BMPR2: variants seen among roughly 807,000 people sequenced by gnomAD.
BMPR2 encodes the protein bone morphogenetic protein receptor type 2, also known as bone morphogenetic protein receptor type-2.
BMPR2 carries 29 observed loss-of-function variants against 100.8 expected under a neutral mutation model. That is an observed-to-expected ratio of 0.29 (90% CI 0.21 to 0.39). The LOEUF is 0.39. Ranked by LOEUF, BMPR2 falls within the 10% of genes least tolerant of loss-of-function variation. The pLI is 1.00. For missense variants in BMPR2, 1,011 were observed against 1,274.5 expected (o/e 0.79, Z 3.15); for synonymous variants, 382 against 442.3 (o/e 0.86, Z 1.71).
chr2:202,407,517 A>G (rs549605971), intron 1 of BMPR2, among the ~76,000 whole-genome samples: 11 of 152,024 alleles, frequency 7.2e-5, no homozygotes, highest in African/African-American at 2.4e-4. Context: ...TCACGCCTGT[A>G]ATCCCAGCAC....
chr2:202,381,023 G>C (rs894960404), intron 1 of BMPR2, among the ~76,000 whole-genome samples: 3 of 127,496 alleles, frequency 2.4e-5, no homozygotes, highest in African/African-American at 9.3e-5. Context: ...CACCCAGACT[G>C]GAGTGCAGTG....
chr2:202,531,659 T>G (rs1445173703), intron 8 of BMPR2, among the ~76,000 whole-genome samples: 6 of 152,166 alleles, frequency 3.9e-5, no homozygotes, highest in Admixed American at 3.9e-4. Context: ...GAGATGGAGT[T>G]TCACTTTTGT....
chr2:202,526,320 C>T (rs1394889005), intron 7 of BMPR2, among the ~76,000 whole-genome samples: 1 of 152,160 alleles, frequency 6.6e-6, no homozygotes, highest in African/African-American at 2.4e-5. Context: ...ATAGCCCTGA[C>T]ATTATTTTTT....
intron 3 of BMPR2, 56 bp downstream of exon 3, chr2:202,467,745 T>C: frequency 1.3e-6 from 2 of 1,540,994 alleles, no homozygotes; most frequent in Non-Finnish European, 1.8e-6. Context: ...ATTTGCAAAA[T>C]ATAAAAAAAC....
intron 10 of BMPR2, among the ~76,000 whole-genome samples, chr2:202,550,555 A>G (rs2106039724): frequency 6.6e-6 from 1 of 151,908 alleles, no homozygotes; most frequent in East Asian, 2.0e-4. Context: ...TTCTCTCTTA[A>G]ATAAGAAAAA....
Position 202,425,514 on chromosome 2 carries a change from A to G in BMPR2, c.77-39295A>G, listed in dbSNP as rs182636003. Among the ~76,000 whole-genome samples, 391 of 152,288 alleles carry G rather than the reference A, an allele frequency of 2.6e-3. 1 individual carries two copies. Among genetic ancestry groups the G allele is most frequent in the African/African-American group, 9.1e-3 (377 of 41,570 alleles). ...ACATTGAGTTGGGTTACAGTTCACT[A>G]TATAGAAAAATCTCTGGGCCGAGAT... On this transcript the variant is annotated intron_variant, in intron 1 of 12. Coordinates refer to ENST00000374580, the MANE Select transcript of BMPR2 (RefSeq NM_001204.7).
chr2:202,443,474 A>G (rs1691787029), intron 1 of BMPR2, among the ~76,000 whole-genome samples: 1 of 150,246 alleles, frequency 6.7e-6, no homozygotes, highest in Middle Eastern at 3.4e-3. Flanking sequence ...ATATTCACCA[A>G]CACTTACTTT....
intron 3 of BMPR2, among the ~76,000 whole-genome samples, chr2:202,500,865 C>T (rs1399189342): frequency 1.3e-5 from 2 of 152,196 alleles, no homozygotes; most frequent in African/African-American, 4.8e-5. Context: ...CCCCTGCACT[C>T]TGACTCCCAG....
intron 1 of BMPR2, among the ~76,000 whole-genome samples, chr2:202,424,989 C>T (rs923656566): frequency 5.9e-5 from 9 of 151,774 alleles, no homozygotes; most frequent in East Asian, 3.9e-4. Flanking sequence ...GATGGAGTCT[C>T]GCTCTGTCGC....
intron 1 of BMPR2, among the ~76,000 whole-genome samples, chr2:202,423,739 A>G (rs546909473): frequency 6.6e-6 from 1 of 152,188 alleles, no homozygotes; most frequent in South Asian, 2.1e-4. Flanking sequence ...GGGCAATAGC[A>G]TAAGACCTCC....
At chr2:202,535,551 A>G (rs1688136318) in intron 9 of BMPR2, among the ~76,000 whole-genome samples, 1 of 147,308 alleles carries the variant, frequency 6.8e-6, no homozygotes, top group Non-Finnish European at 1.5e-5. Flanking sequence ...GGTGCTCCTC[A>G]CTTCCTAGAT....
intron 3 of BMPR2, among the ~76,000 whole-genome samples, chr2:202,470,091 C>T (rs1478227194): frequency 6.6e-6 from 1 of 152,110 alleles, no homozygotes; most frequent in African/African-American, 2.4e-5. Context: ...TACCTGTAAT[C>T]CCAGCACTTT....
At chr2:202,543,206 T>TTATATACATATATATTTATATATATATG (rs1688310938) in intron 10 of BMPR2, among the ~76,000 whole-genome samples, 5 of 146,768 alleles carry the variant, frequency 3.4e-5, no homozygotes, top group Non-Finnish European at 6.0e-5. Context: ...ATATATATAT[T>TTATATACATATATATTTATATATATATG]TATATACATA....
chr2:202,496,939 G>A (rs758960944), intron 3 of BMPR2, among the ~76,000 whole-genome samples: 38 of 152,256 alleles, frequency 2.5e-4, no homozygotes, highest in Non-Finnish European at 5.1e-4. Context: ...CCAGGGCTGC[G>A]TGCCACGCTT....
Position 202,520,177 on chromosome 2 carries a change from C to T in BMPR2, c.943C>T (p.Leu315Phe). ...TTCTGTTACTAGAGGACTGGCTTAT[C>T]TTCACACAGAATTACCACGAGGAGG... Reference protein sequence around the residue: ...AHSVTRGLAYLHTELPRGDHY... With the variant: ...AHSVTRGLAYFHTELPRGDHY... The change falls in exon 7 of 13, where the codon CTT (leucine) becomes TTT (phenylalanine). Residue 315 changes from leucine to phenylalanine, a missense_variant. Coordinates refer to ENST00000374580, the MANE Select transcript of BMPR2 (RefSeq NM_001204.7). 1.2e-6 allele frequency: 2 copies of T among 1,612,996 alleles called. No homozygotes were observed. Among genetic ancestry groups the T allele is most frequent in the Non-Finnish European group, 1.7e-6 (2 of 1,179,390 alleles).
Position 202,506,661 on chromosome 2 carries a change from G to A in BMPR2, c.419-7058G>A, listed in dbSNP as rs190670181. On this transcript the variant is annotated intron_variant, in intron 3 of 12. Transcript: ENST00000374580. ...CACACCTGTAATCCCAGCAGTTTGG[G>A]AGGCCGAGGCGGGTGGATTACGAGG... Among the ~76,000 whole-genome samples the A allele has an allele frequency of 4.0e-4, 61 of 152,190 alleles. No homozygotes were observed. The East Asian group carries it at 0.011, about 28-fold the overall frequency.
intron 1 of BMPR2, among the ~76,000 whole-genome samples, chr2:202,422,691 T>C (rs1458660559): frequency 6.6e-6 from 1 of 152,082 alleles, no homozygotes; most frequent in Non-Finnish European, 1.5e-5. Flanking sequence ...TTTTGCTTTG[T>C]TTTGAGATAG....
At position 202,520,412 on chromosome 2, in the gene BMPR2, G is replaced by C. The variant is rs1687799975; in HGVS notation, c.967+211G>C. 5 of 582,204 alleles carry C rather than the reference G, an allele frequency of 8.6e-6. No individual in the cohort carries two copies. In the Admixed American group the frequency reaches 8.7e-5, roughly 10 times the overall value. 36.1% of individuals were successfully genotyped at this position (582,204 alleles called of 1,614,324 possible). Reference sequence around the variant, plus strand: ...GCCAAGATGGCAGAGGGGCAGTCCTGGTGCTTGATAGCTGAGTAAAACTCC... The same window carrying C: ...GCCAAGATGGCAGAGGGGCAGTCCTCGTGCTTGATAGCTGAGTAAAACTCC... On this transcript the variant is annotated intron_variant, in intron 7 of 12. Transcript: ENST00000374580.
chr2:202,486,475 CA>C (rs567732108), intron 3 of BMPR2, among the ~76,000 whole-genome samples: 1 of 151,816 alleles, frequency 6.6e-6, no homozygotes, highest in Non-Finnish European at 1.5e-5. Flanking sequence ...CTAAAAAATA[CA>C]AAAAAACTTA....
Sources: gnomAD v4.1 joint callset for allele counts (sites outside exome capture counted in the v4.1 genomes callset) on GRCh38, gnomAD v4.1.1 for gene constraint, MANE v1.5 for transcripts, NCBI Gene and HGNC (gene_info 2026-07-23, HGNC 2026-07-21) for gene names.